MBNL3: variants seen among roughly 807,000 people sequenced by gnomAD.
The protein encoded by MBNL3 is muscleblind-like protein 3.
MBNL3 carries 6 observed loss-of-function variants against 24.5 expected under a neutral mutation model. The ratio of observed to expected loss-of-function variants is 0.25; its 90% CI spans 0.13 to 0.48. The LOEUF is 0.48. MBNL3 is among the 20% of genes least tolerant of loss of function. MBNL3 has a pLI of 0.99. For missense variants in MBNL3, 230 were observed against 293.5 expected (o/e 0.78, Z 1.58); for synonymous variants, 100 against 101.7 (o/e 0.98, Z 0.10).
At chrX:132,463,996 A>G (rs530787080) in intron 1 of MBNL3, among the ~76,000 whole-genome samples, 3 of 112,527 alleles carry the variant, frequency 2.7e-5, no homozygotes, top group South Asian at 7.3e-4. Flanking sequence ...TAAAAAATGG[A>G]TGTATGAGAA....
rs1948146569 is a variant in MBNL3 at position 132,488,861 on chromosome X, T to C, written c.-714A>G. On this transcript the variant is annotated 5_prime_UTR_variant, in exon 1 of 9. Coordinates refer to ENST00000370853, the MANE Select transcript of MBNL3 (RefSeq NM_001386889.1). ...CATCTCCAGCCTTACCTTACGCTGC[T>C]AGCGCAAACCCAGAGGCTAAGGGGC... The C allele has an allele frequency of 8.8e-6, 1 of 113,419 alleles. No homozygotes were observed. The highest frequency in any genetic ancestry group is 3.2e-5 in the African/African-American group (1 of 31,244). The allele number at this position is 113,419 out of a possible 1,213,427, so 9.3% of individuals were successfully genotyped here. A position where few individuals can be genotyped will look rare whatever the true frequency, so the allele number is the denominator to read the frequency against.
At chrX:132,405,745 C>T (rs998169929) in intron 3 of MBNL3, among the ~76,000 whole-genome samples, 1 of 107,932 alleles carries the variant, frequency 9.3e-6, no homozygotes, top group African/African-American at 3.4e-5. Context: ...GGCGTGATGG[C>T]GGGCACCTGT....
chrX:132,445,871 G>A (rs1474634914), intron 1 of MBNL3, among the ~76,000 whole-genome samples: 1 of 111,049 alleles, frequency 9.0e-6, no homozygotes, highest in African/African-American at 3.3e-5. Flanking sequence ...AGGTATACAC[G>A]TGCCATGGTG....
At chrX:132,487,316 TTGCTCTACCTGCAGGAAC>T (rs1309479292) in intron 1 of MBNL3, among the ~76,000 whole-genome samples, 1 of 111,737 alleles carries the variant, frequency 8.9e-6, no homozygotes, top group Non-Finnish European at 1.9e-5. Context: ...CAAGTGTTTA[TTGCTCTACCTGCAGGAAC>T]TCTCATTTTA....
chrX:132,381,581 G>T, intron 8 of MBNL3: 1 of 311,160 alleles, frequency 3.2e-6, no homozygotes, highest in Non-Finnish European at 5.8e-6. Context: ...ATTATTGTAT[G>T]TATCTCCTTA....
At chrX:132,456,551 T>G (rs762190462) in intron 1 of MBNL3, among the ~76,000 whole-genome samples, 1 of 112,259 alleles carries the variant, frequency 8.9e-6, no homozygotes, top group East Asian at 2.8e-4. Context: ...ATTTTCTCAT[T>G]TAATCATCCC....
At chrX:132,380,120 T>A (rs905140694) in intron 8 of MBNL3, among the ~76,000 whole-genome samples, 1 of 112,515 alleles carries the variant, frequency 8.9e-6, no homozygotes, top group Non-Finnish European at 1.9e-5. Flanking sequence ...CTGGGTATTG[T>A]ATTGTACAAA....
chrX:132,413,370 A>G (rs1019454119), intron 2 of MBNL3: 1 of 585,148 alleles, frequency 1.7e-6, no homozygotes, highest in African/African-American at 2.3e-5. Context: ...TTTTTAGTAT[A>G]AGTATGCCCC....
At chrX:132,381,421 T>C in intron 8 of MBNL3, 1 of 1,156,359 alleles carries the variant, frequency 8.6e-7, no homozygotes, top group South Asian at 1.9e-5. Context: ...CATCTATTGA[T>C]AATTGGGGTA....
chrX:132,394,390 A>C (rs1163824229), intron 3 of MBNL3, among the ~76,000 whole-genome samples: 1 of 112,262 alleles, frequency 8.9e-6, no homozygotes, highest in Non-Finnish European at 1.9e-5. Context: ...GCAATAAGGC[A>C]GACTTTATCA....
intron 2 of MBNL3, among the ~76,000 whole-genome samples, chrX:132,428,835 T>G (rs1944515795): frequency 8.9e-6 from 1 of 112,350 alleles, no homozygotes; most frequent in Admixed American, 9.4e-5. Context: ...TTCGAAAAAA[T>G]CTGATATAGA....
At chrX:132,488,581 A>C (rs1158729690) in intron 1 of MBNL3, among the ~76,000 whole-genome samples, 2 of 110,693 alleles carry the variant, frequency 1.8e-5, no homozygotes, top group Non-Finnish European at 3.8e-5. Flanking sequence ...CCATGCAAGA[A>C]GTTCCTTTAA....
intron 5 of MBNL3, among the ~76,000 whole-genome samples, chrX:132,389,463 G>A (rs2032389856): frequency 8.9e-6 from 1 of 112,010 alleles, no homozygotes; most frequent in African/African-American, 3.2e-5. Context: ...TTTCAACTCG[G>A]TATGAGGAAA....
chrX:132,384,220 G>C (rs1422761431), intron 7 of MBNL3, among the ~76,000 whole-genome samples: 1 of 111,877 alleles, frequency 8.9e-6, no homozygotes, highest in Admixed American at 9.5e-5. Flanking sequence ...TCATCCTCTC[G>C]CAACATAGGA....
chrX:132,462,126 C>T (rs1293651356), intron 1 of MBNL3, among the ~76,000 whole-genome samples: 1 of 111,878 alleles, frequency 8.9e-6, no homozygotes, highest in Admixed American at 9.4e-5. Context: ...AACACAAGAG[C>T]TCAGTTCTGA....
At chrX:132,472,980 G>A (rs1475308968) in intron 1 of MBNL3, among the ~76,000 whole-genome samples, 1 of 111,417 alleles carries the variant, frequency 9.0e-6, no homozygotes, top group Non-Finnish European at 1.9e-5. Flanking sequence ...CACAGAACAC[G>A]GACTTTGAGG....
intron 3 of MBNL3, among the ~76,000 whole-genome samples, chrX:132,396,503 TATATATTC>T (rs1332284501): frequency 1.6e-5 from 1 of 64,388 alleles, no homozygotes; most frequent in Admixed American, 2.1e-4. Context: ...TATATTCCTA[TATATATTC>T]ATATATATTC....
At chrX:132,410,089 C>T (rs1304738173) in intron 2 of MBNL3, among the ~76,000 whole-genome samples, 1 of 111,962 alleles carries the variant, frequency 8.9e-6, no homozygotes, top group Admixed American at 9.5e-5. Context: ...TTCTGAAGTA[C>T]ATCTGCATCA....
chrX:132,437,966 A>G, intron 2 of MBNL3: 1 of 548,108 alleles, frequency 1.8e-6, no homozygotes, highest in Non-Finnish European at 2.2e-6. Context: ...ACAAAAAACA[A>G]AAAACTAGTA....
Sources: allele counts gnomAD v4.1 joint callset (sites outside exome capture counted in the v4.1 genomes callset), GRCh38; gene constraint gnomAD v4.1.1; transcripts MANE v1.5; gene names NCBI Gene and HGNC (gene_info 2026-07-23, HGNC 2026-07-21).